The following CTNNA2 variants were observed in gnomAD, a reference collection of about 807,000 sequenced individuals.
The protein encoded by CTNNA2 is catenin alpha 2.
A neutral mutation model predicts 101.0 loss-of-function variants in CTNNA2; 42 were observed. The observed-to-expected ratio is 0.42, with a 90% confidence interval of 0.32 to 0.54. The LOEUF (loss-of-function observed/expected upper bound fraction) is 0.54. Among genes scored for constraint, CTNNA2 ranks in the 20% least tolerant of loss-of-function variants. CTNNA2 has a pLI of 0.14. For missense variants in CTNNA2, 871 were observed against 1,223.1 expected, an observed-to-expected ratio of 0.71 and a Z score of 4.29; for synonymous variants, 450 against 456.4, an observed-to-expected ratio of 0.99 and a Z score of 0.18.
At chr2:79,472,047 A>G (rs544450787) in intron 4 of CTNNA2, among the ~76,000 whole-genome samples, 4 of 152,330 alleles carry the variant, frequency 2.6e-5, no homozygotes, top group Admixed American at 1.3e-4. Context: ...CAAATCAGAT[A>G]TGAGTGACAC....
chr2:80,574,820 C>T (rs1694898215), intron 13 of CTNNA2, among the ~76,000 whole-genome samples: 1 of 152,106 alleles, frequency 6.6e-6, no homozygotes, highest in East Asian at 1.9e-4. Flanking sequence ...TCTTATTACC[C>T]ACTCCACTAT....
intron 7 of CTNNA2, among the ~76,000 whole-genome samples, chr2:80,338,941 A>G (rs1050463448): frequency 2.6e-5 from 4 of 152,158 alleles, no homozygotes; most frequent in African/African-American, 9.7e-5. Flanking sequence ...AGGAATGCAC[A>G]TTTTCTATCC....
At chr2:79,326,178 A>G (rs1558627364) in intron 3 of CTNNA2, among the ~76,000 whole-genome samples, 2 of 152,126 alleles carry the variant, frequency 1.3e-5, no homozygotes, top group Admixed American at 6.5e-5. Flanking sequence ...AAATCTATCA[A>G]TGTCTGCCTT....
intron 2 of CTNNA2, among the ~76,000 whole-genome samples, chr2:79,742,942 C>A (rs1214652265): frequency 6.6e-6 from 1 of 152,086 alleles, no homozygotes; most frequent in Non-Finnish European, 1.5e-5. Flanking sequence ...TTATTCAATC[C>A]TTTTTTTCTT....
chr2:80,177,966 A>G (rs900006802), intron 7 of CTNNA2, among the ~76,000 whole-genome samples: 2 of 152,220 alleles, frequency 1.3e-5, no homozygotes, highest in African/African-American at 4.8e-5. Flanking sequence ...TCCTTCAGCA[A>G]TGCCCTAGAA....
intron 3 of CTNNA2, among the ~76,000 whole-genome samples, chr2:79,358,905 A>C (rs955532311): frequency 1.3e-5 from 2 of 152,160 alleles, no homozygotes; most frequent in African/African-American, 4.8e-5. Flanking sequence ...TTGTGTTGCC[A>C]AAAGCTCTCT....
chr2:79,378,330 G>A (rs1183207063), intron 4 of CTNNA2, among the ~76,000 whole-genome samples: 1 of 152,130 alleles, frequency 6.6e-6, no homozygotes, highest in Non-Finnish European at 1.5e-5. Flanking sequence ...AGTCCCCTAA[G>A]TAGCAACAAG....
At chr2:80,591,349 C>A (rs765413352) in intron 15 of CTNNA2, among the ~76,000 whole-genome samples, 14 of 149,728 alleles carry the variant, frequency 9.4e-5, no homozygotes, top group Admixed American at 4.7e-4. Context: ...TTTGTTAGGG[C>A]AAAGGGAGGA....
At chr2:80,646,724 C>T (rs1406033436) in intron 18 of CTNNA2, among the ~76,000 whole-genome samples, 1 of 151,994 alleles carries the variant, frequency 6.6e-6, no homozygotes, top group Non-Finnish European at 1.5e-5. Flanking sequence ...GCCTAAAAGT[C>T]TGGTGATGGG....
intron 7 of CTNNA2, among the ~76,000 whole-genome samples, chr2:80,334,239 T>C (rs1181556674): frequency 6.6e-6 from 1 of 152,208 alleles, no homozygotes; most frequent in Non-Finnish European, 1.5e-5. Context: ...CTTGCATCTG[T>C]TCTGTTTAAA....
In CTNNA2 at chr2:79,453,424, A is replaced by T. The variant is rs372483930; in HGVS notation, c.-134-51630A>T. Among the ~76,000 whole-genome samples the T allele has an allele frequency of 6.0e-4, 91 of 152,278 alleles. No homozygotes were observed. In the South Asian group the frequency reaches 0.018, roughly 30 times the overall value. ...GTCATGCTATAAATGTGACAATGAA[A>T]TGTGTAAACAGGAGCCATGAAAATT... On this transcript the variant is annotated intron_variant, in intron 4 of 21. Coordinates refer to the CTNNA2 transcript ENST00000466387.
At chr2:80,372,002 G>A (rs1181166723) in intron 7 of CTNNA2, among the ~76,000 whole-genome samples, 1 of 152,096 alleles carries the variant, frequency 6.6e-6, no homozygotes, top group Non-Finnish European at 1.5e-5. Flanking sequence ...ATAATAAGGT[G>A]GTCATAAAAC....
chr2:79,818,468 A>G (rs1356038316), intron 3 of CTNNA2, among the ~76,000 whole-genome samples: 3 of 151,564 alleles, frequency 2.0e-5, no homozygotes, highest in Admixed American at 2.0e-4. Flanking sequence ...GCCCGCCACC[A>G]TGCCCGGCTT....
At chr2:79,448,259 C>A (rs1024038699) in intron 4 of CTNNA2, among the ~76,000 whole-genome samples, 1 of 151,928 alleles carries the variant, frequency 6.6e-6, no homozygotes, top group Admixed American at 6.6e-5. Context: ...TTTTTTAGAT[C>A]TTGATTTCTT....
chr2:79,776,113 G>T (rs1183576735), intron 3 of CTNNA2, among the ~76,000 whole-genome samples: 13 of 152,138 alleles, frequency 8.5e-5, no homozygotes, highest in Non-Finnish European at 1.9e-4. Flanking sequence ...AGATATTCTG[G>T]CACAGTTTAA....
At chr2:79,811,024 A>G (rs370427842) in intron 3 of CTNNA2, among the ~76,000 whole-genome samples, 9 of 150,866 alleles carry the variant, frequency 6.0e-5, no homozygotes, top group African/African-American at 2.2e-4. Flanking sequence ...ATGATTTATA[A>G]TCCTTTGGGT....
intron 2 of CTNNA2, among the ~76,000 whole-genome samples, chr2:79,706,949 C>G (rs1232690387): frequency 1.3e-5 from 2 of 152,150 alleles, no homozygotes; most frequent in East Asian, 3.9e-4. Flanking sequence ...ATCCTGACTA[C>G]ACAGAGCTTG....
At chr2:79,588,620 AT>A (rs1160773108) in intron 1 of CTNNA2, among the ~76,000 whole-genome samples, 1 of 152,014 alleles carries the variant, frequency 6.6e-6, no homozygotes, top group Non-Finnish European at 1.5e-5. Flanking sequence ...AAGTATATGG[AT>A]TTTTTTTGAA....
At chr2:79,246,683 T>C (rs1250586886) in intron 2 of CTNNA2, among the ~76,000 whole-genome samples, 1 of 152,234 alleles carries the variant, frequency 6.6e-6, no homozygotes, top group African/African-American at 2.4e-5. Context: ...AGCATTCTGT[T>C]GGTTTGATTT....
Sources: gnomAD v4.1 joint callset for allele counts (sites outside exome capture counted in the v4.1 genomes callset) on GRCh38, gnomAD v4.1.1 for gene constraint, MANE v1.5 for transcripts, NCBI Gene and HGNC (gene_info 2026-07-23, HGNC 2026-07-21) for gene names.